The following NAA20 variants were observed in gnomAD, a reference collection of about 807,000 sequenced individuals.
NAA20 encodes the protein N-alpha-acetyltransferase 20, NatB catalytic subunit.
NAA20 carries 24 observed loss-of-function variants against 23.8 expected under a neutral mutation model. The observed-to-expected ratio is 1.01, with a 90% CI of 0.73 to 1.42. The LOEUF is 1.42. Among genes scored for constraint, NAA20 ranks in the 40% most tolerant of loss-of-function variants. The pLI is 0.00. For missense variants in NAA20, 166 were observed against 223.1 expected (o/e 0.74, Z 1.63); for synonymous variants, 83 against 77.7 (o/e 1.07, Z -0.36).
In NAA20 at chr20:20,032,620, G is replaced by T; in HGVS notation, c.418G>T (p.Ala140Ser). 6.2e-7 allele frequency: 1 copy of T among 1,605,636 alleles called. No individual in the cohort carries two copies. Among genetic ancestry groups the T allele is most frequent in the African/African-American group, 1.3e-5 (1 of 74,832 alleles). Residue 140 changes from alanine (A) to serine (S), a missense_variant, in exon 5 of 6, where the codon GCC (alanine) becomes TCC (serine). Transcript: ENST00000334982. ...VYRTVIEYYS[A>S]SNGEPDEDAY... ...TAGGACGGTCATAGAGTACTATTCG[G>T]CCAGCAACGGGGAGCCTGATGAGGA...
intron 1 of NAA20, 77 bp downstream of exon 1, chr20:20,017,526 G>A (rs540412036): frequency 2.6e-6 from 4 of 1,528,498 alleles, no homozygotes; most frequent in Non-Finnish European, 2.6e-6. Flanking sequence ...GGCCCCAGCC[G>A]CGCCTTCCCG....
intron 2 of NAA20, chr20:20,022,712 G>C: frequency 2.3e-6 from 1 of 434,884 alleles, no homozygotes; most frequent in Non-Finnish European, 4.0e-6. Context: ...TAACATCATA[G>C]CTCCCCTGCC....
At chr20:20,032,781 T>C in intron 5 of NAA20, 128 bp downstream of exon 5, 1 of 1,222,532 alleles carries the variant, frequency 8.2e-7, no homozygotes, top group South Asian at 2.0e-5. Flanking sequence ...TCCCTCAACC[T>C]ACCTTTATCA....
At chr20:20,017,822 G>T in intron 1 of NAA20, 2 of 1,493,416 alleles carry the variant, frequency 1.3e-6, no homozygotes, top group Non-Finnish European at 1.8e-6. Flanking sequence ...TTCTCGCCCT[G>T]CCCTACTGCT....
intron 5 of NAA20, 146 bp from the exon 6 acceptor site, chr20:20,032,956 T>C (rs1233794237): frequency 1.3e-5 from 9 of 713,226 alleles, no homozygotes; most frequent in South Asian, 1.9e-5. Flanking sequence ...CACTTGGCAA[T>C]TGGGAGACAT....
In NAA20 at chr20:20,033,219, A is replaced by G; in HGVS notation, c.*32A>G. ...GCAGTGGTTCTTAGGCAGATACTCTAGATGCTTTATGGACAATATTATTTT... is the reference window on the plus strand; with the variant it reads ...GCAGTGGTTCTTAGGCAGATACTCTGGATGCTTTATGGACAATATTATTTT... On this transcript the variant is annotated 3_prime_UTR_variant, in exon 6 of 6. Transcript: ENST00000334982. 6.7e-7 allele frequency: 1 copy of G among 1,498,422 alleles called. No individual in the cohort carries two copies. The highest frequency in any genetic ancestry group is 2.3e-5 in the East Asian group (1 of 44,256). The allele number at this position is 1,498,422 out of a possible 1,614,324, so 92.8% of individuals were successfully genotyped here. A position where few individuals can be genotyped will look rare whatever the true frequency, so the allele number is the denominator to read the frequency against.
At chr20:20,019,031 G>C (rs543306756) in intron 1 of NAA20, among the ~76,000 whole-genome samples, 13 of 152,114 alleles carry the variant, frequency 8.5e-5, no homozygotes, top group Non-Finnish European at 1.8e-4. Flanking sequence ...AGCCTCTGGA[G>C]AGGCTCACCC....
upstream of NAA20, chr20:20,017,329 T>C: frequency 6.3e-7 from 1 of 1,597,984 alleles, no homozygotes; most frequent in Non-Finnish European, 8.5e-7. Flanking sequence ...GCGGCCACGC[T>C]CCGGGAGACT....
rs1364578447 is a variant in NAA20, at chr20:20,025,736, A to G, written c.138A>G (p.Ala46=). 4 of 1,610,926 alleles carry G rather than the reference A, an allele frequency of 2.5e-6. No homozygotes were observed. Among genetic ancestry groups the G allele is most frequent in the Admixed American group, 1.7e-5 (1 of 60,020 alleles). Residue 46 remains alanine, a synonymous_variant, in exon 3 of 6, where the codon GCA becomes GCG. Transcript: ENST00000334982. ...ACTGGCCAGAGTATTTCATTGTTGC[A>G]GAGGCACCTGGTGGAGAATTAATGG... The part of the protein sequence containing the change: ...LAHWPEYFIV[A]EAPGGELMGY...
At position 20,022,254 on chromosome 20, in the gene NAA20, A is replaced by G. The variant is rs553059088; in HGVS notation, c.54-202A>G. ...AGCAGTTAAGTGAAAAAATATGTAA[A>G]CACCTTAATAGTGGCTGTGACAGCT... On this transcript the variant is annotated intron_variant, in intron 1 of 5. Transcript: ENST00000334982. Among the ~76,000 whole-genome samples the G allele has an allele frequency of 1.6e-4, 24 of 152,280 alleles. No individual in the cohort carries two copies. The East Asian group carries it at 4.4e-3, about 28-fold the overall frequency.
At chr20:20,031,361 T>C (rs2043342480) in intron 4 of NAA20, among the ~76,000 whole-genome samples, 1 of 152,186 alleles carries the variant, frequency 6.6e-6, no homozygotes, top group African/African-American at 2.4e-5. Flanking sequence ...GTAAAGGTGG[T>C]TGGACAATTG....
intron 1 of NAA20, chr20:20,017,773 G>A (rs2043241466): frequency 6.9e-7 from 1 of 1,439,702 alleles, no homozygotes; most frequent in African/African-American, 1.4e-5. Context: ...GGGGTGATGG[G>A]GCGAGCTGGA....
intron 5 of NAA20, 144 bp downstream of exon 5, chr20:20,032,797 TTAG>T: frequency 4.6e-6 from 5 of 1,089,716 alleles, no homozygotes; most frequent in Non-Finnish European, 6.3e-6. Flanking sequence ...TATCAACCTA[TTAG>T]TAGTAGTAAT....
chr20:20,018,170 TTCGA>T, intron 1 of NAA20: 8 of 1,405,206 alleles, frequency 5.7e-6, no homozygotes, highest in Non-Finnish European at 7.0e-6. Flanking sequence ...TTTCTTTGGA[TTCGA>T]GTTAAGGCCA....
In NAA20 at chr20:20,017,608, G is replaced by A. The variant is rs565205609; in HGVS notation, c.53+159G>A. Reference sequence around the variant, plus strand: ...CGGCCAACGTGGGCGCCTCCCTGGGGCCACAGGGTCCAGGGAGAGGTGGGC... The same window carrying A: ...CGGCCAACGTGGGCGCCTCCCTGGGACCACAGGGTCCAGGGAGAGGTGGGC... On this transcript the variant is annotated intron_variant, in intron 1 of 5. Transcript: ENST00000334982. The A allele has an allele frequency of 1.9e-4, 249 of 1,298,782 alleles. 2 individuals carry two copies. The South Asian group carries it at 3.8e-3, about 20-fold the overall frequency. 80.5% of individuals were successfully genotyped at this position (1,298,782 alleles called of 1,614,324 possible).
At chr20:20,032,020 T>C (rs942000520) in intron 4 of NAA20, among the ~76,000 whole-genome samples, 4 of 148,682 alleles carry the variant, frequency 2.7e-5, no homozygotes, top group Non-Finnish European at 5.9e-5. Context: ...CGTGAGACAC[T>C]CAACAGAAGT....
chr20:20,029,387 C>G (rs1157982073), intron 4 of NAA20, among the ~76,000 whole-genome samples: 1 of 152,030 alleles, frequency 6.6e-6, no homozygotes, highest in Non-Finnish European at 1.5e-5. Context: ...GAGGCCGAGA[C>G]AGGTGGATCA....
At chr20:20,024,655 T>TAACCTGTTAGGTCCTAGAGGTCGATGGGA (rs2043295257) in intron 2 of NAA20, among the ~76,000 whole-genome samples, 1 of 152,198 alleles carries the variant, frequency 6.6e-6, no homozygotes, top group Non-Finnish European at 1.5e-5. Flanking sequence ...TATTTGAAAG[T>TAACCTGTTAGGTCCTAGAGGTCGATGGGA]AACCTGTTAG....
intron 1 of NAA20, among the ~76,000 whole-genome samples, chr20:20,020,666 G>C (rs142611605): frequency 9.2e-5 from 14 of 152,332 alleles, no homozygotes; most frequent in Non-Finnish European, 1.8e-4. Flanking sequence ...TTGGGGGTCA[G>C]CACAAGTGTA....
Sources: allele counts gnomAD v4.1 joint callset (sites outside exome capture counted in the v4.1 genomes callset), GRCh38; gene constraint gnomAD v4.1.1; transcripts MANE v1.5; gene names NCBI Gene and HGNC (gene_info 2026-07-23, HGNC 2026-07-21).